SGCD: variants seen among roughly 807,000 people sequenced by gnomAD.
SGCD encodes sarcoglycan delta.
SGCD carries 18 observed loss-of-function variants against 36.6 expected under a neutral mutation model. The observed-to-expected ratio is 0.49, with a 90% CI of 0.34 to 0.73. The LOEUF (loss-of-function observed/expected upper bound fraction) is 0.73. Ranked by LOEUF, SGCD falls within the 30% of genes least tolerant of loss-of-function variation. SGCD has a pLI of 0.01. For missense variants in SGCD, 387 were observed against 346.7 expected (o/e 1.12, Z -0.92); for synonymous variants, 133 against 130.6 (o/e 1.02, Z -0.12).
intron 3 of SGCD, among the ~76,000 whole-genome samples, chr5:156,187,050 G>A (rs1363293238): frequency 6.6e-6 from 1 of 152,026 alleles, no homozygotes; most frequent in East Asian, 1.9e-4. Context: ...GGCATCGTCA[G>A]TACTTTAATG....
chr5:156,725,159 G>A (rs958848368), intron 7 of SGCD, among the ~76,000 whole-genome samples: 2 of 152,198 alleles, frequency 1.3e-5, no homozygotes, highest in Non-Finnish European at 1.5e-5. Flanking sequence ...ATGAAACACA[G>A]TCATGGAGAC....
At chr5:156,004,481 G>A (rs1408924280) in intron 1 of SGCD, among the ~76,000 whole-genome samples, 1 of 152,116 alleles carries the variant, frequency 6.6e-6, no homozygotes. Flanking sequence ...CAACCCGTAA[G>A]GTTAGTACTA....
chr5:156,647,704 T>C (rs1185684926), intron 7 of SGCD, among the ~76,000 whole-genome samples, 168 bp downstream of exon 7: 2 of 152,094 alleles, frequency 1.3e-5, no homozygotes, highest in Admixed American at 6.6e-5. Flanking sequence ...AAATTTTCTA[T>C]GAGAACTTAA....
chr5:156,577,098 A>T (rs943688607), intron 4 of SGCD, among the ~76,000 whole-genome samples: 11 of 152,078 alleles, frequency 7.2e-5, no homozygotes, highest in African/African-American at 2.4e-4. Flanking sequence ...TTTTCTATAA[A>T]GTGTAAGGAA....
chr5:155,985,426 CG>C (rs1382956340), intron 1 of SGCD, among the ~76,000 whole-genome samples: 18 of 152,280 alleles, frequency 1.2e-4, no homozygotes, highest in Admixed American at 9.2e-4. Flanking sequence ...CCTTCTGCGT[CG>C]TCCTCTAATT....
the SGCD span, among the ~76,000 whole-genome samples, chr5:155,751,157 A>T: frequency 2.0e-5 from 3 of 152,210 alleles, no homozygotes; most frequent in African/African-American, 7.2e-5. Flanking sequence ...TGAGTAACGG[A>T]TGCATTTATT....
At chr5:156,257,243 G>C (rs1253857883) in intron 3 of SGCD, among the ~76,000 whole-genome samples, 1 of 152,136 alleles carries the variant, frequency 6.6e-6, no homozygotes, top group Non-Finnish European at 1.5e-5. Context: ...GGGAGGCCGA[G>C]GCGGGCGGAT....
intron 6 of SGCD, among the ~76,000 whole-genome samples, chr5:156,623,829 A>G (rs116712009): frequency 0.016 from 2,485 of 152,250 alleles, 67 homozygotes; most frequent in African/African-American, 0.056. Context: ...TTGACTTCCT[A>G]TCTGTCTAGC....
At chr5:156,343,806 T>G (rs750164679) in intron 2 of SGCD, among the ~76,000 whole-genome samples, 2 of 152,184 alleles carry the variant, frequency 1.3e-5, no homozygotes, top group African/African-American at 2.4e-5. Flanking sequence ...ACTTTGACCC[T>G]CCTTTATGTT....
At chr5:155,975,892 A>T (rs1197028787) in intron 1 of SGCD, among the ~76,000 whole-genome samples, 1 of 151,180 alleles carries the variant, frequency 6.6e-6, no homozygotes, top group Non-Finnish European at 1.5e-5. Flanking sequence ...AGCCTCCCAA[A>T]GTGCTGGGAT....
intron 2 of SGCD, chr5:156,118,067 C>T (rs1761945509): frequency 6.6e-6 from 1 of 152,050 alleles, no homozygotes; most frequent in Non-Finnish European, 1.5e-5. Flanking sequence ...ATTTAATCAC[C>T]CATCTGTCTA....
At chr5:155,981,045 G>A (rs901316241) in intron 1 of SGCD, among the ~76,000 whole-genome samples, 3 of 152,210 alleles carry the variant, frequency 2.0e-5, no homozygotes, top group African/African-American at 4.8e-5. Context: ...GAGAGGTGTG[G>A]AAGCAGGAGG....
chr5:156,559,049 T>C (rs892904244), intron 4 of SGCD, among the ~76,000 whole-genome samples: 2 of 152,110 alleles, frequency 1.3e-5, no homozygotes, highest in Non-Finnish European at 2.9e-5. Flanking sequence ...GAGATGTGAG[T>C]TGAACGCCAG....
intron 3 of SGCD, among the ~76,000 whole-genome samples, chr5:156,291,255 T>C (rs1766749660): frequency 6.6e-6 from 1 of 152,102 alleles, no homozygotes; most frequent in African/African-American, 2.4e-5. Flanking sequence ...AGAACTTGAA[T>C]TGTTCCCAAA....
At chr5:155,934,735 C>T (rs951122905) in intron 1 of SGCD, among the ~76,000 whole-genome samples, 1 of 152,174 alleles carries the variant, frequency 6.6e-6, no homozygotes, top group Non-Finnish European at 1.5e-5. Context: ...ATGTCATAGC[C>T]TTTCTTCCAT....
intron 3 of SGCD, among the ~76,000 whole-genome samples, chr5:156,183,080 G>A (rs1763647960): frequency 6.6e-6 from 1 of 152,266 alleles, no homozygotes; most frequent in Non-Finnish European, 1.5e-5. Flanking sequence ...AGGAGTTCAA[G>A]ACCAGCCTGG....
At chr5:155,897,311 G>T (rs1179955950) in intron 1 of SGCD, among the ~76,000 whole-genome samples, 1 of 152,126 alleles carries the variant, frequency 6.6e-6, no homozygotes, top group Non-Finnish European at 1.5e-5. Context: ...GGTAAAAAAT[G>T]CACACCTGTC....
chr5:156,198,343 T>C (rs1764068054), intron 3 of SGCD, among the ~76,000 whole-genome samples: 1 of 152,094 alleles, frequency 6.6e-6, no homozygotes, highest in African/African-American at 2.4e-5. Flanking sequence ...AAAAATAATG[T>C]GTTTTCCTTT....
chr5:156,496,199 T>C (rs1756180012), intron 3 of SGCD, among the ~76,000 whole-genome samples: 1 of 152,104 alleles, frequency 6.6e-6, no homozygotes, highest in Non-Finnish European at 1.5e-5. Context: ...CAACTACCTA[T>C]TATGGGTGAG....
Sources: allele counts gnomAD v4.1 joint callset (sites outside exome capture counted in the v4.1 genomes callset), GRCh38; gene constraint gnomAD v4.1.1; transcripts MANE v1.5; gene names NCBI Gene and HGNC (gene_info 2026-07-23, HGNC 2026-07-21).